The following KCTD3 variants were observed in gnomAD, a reference collection of about 807,000 sequenced individuals.
KCTD3 encodes the protein potassium channel tetramerization domain containing 3, also known as BTB/POZ domain-containing protein KCTD3.
A neutral mutation model predicts 85.8 loss-of-function variants in KCTD3; 41 were observed. The ratio of observed to expected loss-of-function variants is 0.48; its 90% confidence interval spans 0.37 to 0.62. The LOEUF is 0.62. Among genes scored for constraint, KCTD3 ranks in the 20% least tolerant of loss-of-function variants. KCTD3 has a pLI of 0.00. For synonymous variants in KCTD3, 338 were observed against 345.4 expected, an observed-to-expected ratio of 0.98 and a Z score of 0.24; for missense variants, 724 against 989.9, an observed-to-expected ratio of 0.73 and a Z score of 3.60.
chr1:215,587,760 C>G (rs776388694), intron 9 of KCTD3, among the ~76,000 whole-genome samples: 1 of 152,108 alleles, frequency 6.6e-6, no homozygotes, highest in Non-Finnish European at 1.5e-5. Context: ...TTCTTTGATT[C>G]TTTATCAAAA....
chr1:215,588,317 T>C (rs576905262), intron 9 of KCTD3, among the ~76,000 whole-genome samples: 2 of 152,174 alleles, frequency 1.3e-5, no homozygotes, highest in East Asian at 3.9e-4. Flanking sequence ...AATTAAGTTT[T>C]TATCAGTACA....
At chr1:215,590,942 A>G (rs1469371939) in intron 9 of KCTD3, among the ~76,000 whole-genome samples, 1 of 152,224 alleles carries the variant, frequency 6.6e-6, no homozygotes, top group Non-Finnish European at 1.5e-5. Context: ...CTGGCAGGCA[A>G]TTAAATTACT....
intron 15 of KCTD3, chr1:215,618,484 A>T (rs1368229395): frequency 6.0e-6 from 1 of 167,670 alleles, no homozygotes; most frequent in Admixed American, 6.3e-5. Flanking sequence ...GTAGGCTGGG[A>T]TAACTAATTC....
intron 8 of KCTD3, among the ~76,000 whole-genome samples, chr1:215,580,336 G>A (rs563499312): frequency 2.0e-5 from 3 of 152,276 alleles, no homozygotes; most frequent in African/African-American, 7.2e-5. Context: ...ATTAATGTGA[G>A]CTCCCTGATG....
intron 9 of KCTD3, 139 bp downstream of exon 9, chr1:215,586,824 G>A (rs192843798): frequency 9.4e-6 from 6 of 634,998 alleles, no homozygotes; most frequent in Non-Finnish European, 1.6e-5. Flanking sequence ...TGGGAGGAAT[G>A]ATCTGATAAT....
intron 8 of KCTD3, among the ~76,000 whole-genome samples, chr1:215,583,731 C>G (rs1314005740): frequency 6.6e-6 from 1 of 152,148 alleles, no homozygotes; most frequent in East Asian, 1.9e-4. Flanking sequence ...GATTCATCTT[C>G]TGTAACTTCT....
At chr1:215,581,019 T>A (rs1042042713) in intron 8 of KCTD3, 2 of 451,602 alleles carry the variant, frequency 4.4e-6, no homozygotes, top group Non-Finnish European at 9.0e-6. Context: ...CCCAGCACTT[T>A]GGGAGGCCGA....
chr1:215,587,653 A>T (rs1660061471), intron 9 of KCTD3, among the ~76,000 whole-genome samples: 2 of 152,190 alleles, frequency 1.3e-5, no homozygotes, highest in Admixed American at 1.3e-4. Flanking sequence ...GCTGTGATAC[A>T]TTGTTTTGAT....
At chr1:215,583,995 A>C (rs1474248158) in intron 8 of KCTD3, among the ~76,000 whole-genome samples, 1 of 152,164 alleles carries the variant, frequency 6.6e-6, no homozygotes, top group Non-Finnish European at 1.5e-5. Flanking sequence ...CAAGTAAACT[A>C]AATAAGAAGG....
intron 10 of KCTD3, among the ~76,000 whole-genome samples, chr1:215,596,748 C>T (rs943270808): frequency 3.3e-5 from 5 of 151,788 alleles, no homozygotes; most frequent in Non-Finnish European, 7.4e-5. Context: ...AGGATCAAGG[C>T]TGGTTTGAAA....
In KCTD3 at chr1:215,567,379, A is replaced by T. The variant is rs1659158254; in HGVS notation, c.-307A>T. 5.1e-6 allele frequency: 1 copy of T among 194,628 alleles called. No homozygotes were observed. Among genetic ancestry groups the T allele is most frequent in the African/African-American group, 2.3e-5 (1 of 42,868 alleles). 12.1% of individuals were successfully genotyped at this position (194,628 alleles called of 1,614,324 possible). On this transcript the variant is annotated 5_prime_UTR_variant, in exon 1 of 18. Coordinates refer to ENST00000259154, the MANE Select transcript of KCTD3 (RefSeq NM_016121.5). ...CGAACGGTGACCCCTCCTCCCAGGC[A>T]GGCTGCGGCGGCGTCGGTGGCAGCG... is the stretch of plus-strand genomic sequence containing the variant.
At chr1:215,602,402 G>T (rs375402444) in intron 12 of KCTD3, among the ~76,000 whole-genome samples, 1 of 151,596 alleles carries the variant, frequency 6.6e-6, no homozygotes, top group South Asian at 2.1e-4. Context: ...ATAATTTGAG[G>T]TGGAAAATTG....
At position 215,567,777 on chromosome 1, in the gene KCTD3, G is replaced by A; in HGVS notation, c.83+9G>A. ...AACGTAGGGGGGACCAGGTGAGTCG[G>A]CGGGTAGCGGGCTTGCAGCGGGGAT... On this transcript the variant is annotated intron_variant, in intron 1 of 17. Coordinates refer to ENST00000259154, the MANE Select transcript of KCTD3 (RefSeq NM_016121.5). 8.1e-7 allele frequency: 1 copy of A among 1,241,992 alleles called. No homozygotes were observed. Among genetic ancestry groups the A allele is most frequent in the Admixed American group, 4.2e-5 (1 of 23,716 alleles). 76.9% of individuals were successfully genotyped at this position (1,241,992 alleles called of 1,614,324 possible).
At chr1:215,586,757 T>C in intron 9 of KCTD3, 72 bp downstream of exon 9, 1 of 1,259,340 alleles carries the variant, frequency 7.9e-7, no homozygotes, top group Non-Finnish European at 1.1e-6. Flanking sequence ...AGATTGACAC[T>C]GAATATGAAA....
chr1:215,573,401 T>C (rs555363665), intron 1 of KCTD3, among the ~76,000 whole-genome samples: 1 of 152,216 alleles, frequency 6.6e-6, no homozygotes, highest in East Asian at 1.9e-4. Context: ...TTTTGTCCTA[T>C]TAGAGGGGAA....
At chr1:215,601,807 G>A (rs1334754955) in intron 10 of KCTD3, 60 bp from the exon 11 acceptor site, 26 of 1,011,026 alleles carry the variant, frequency 2.6e-5, no homozygotes, top group Non-Finnish European at 3.9e-5. Flanking sequence ...TGAGGAAATT[G>A]ACCAGAAAAT....
chr1:215,596,564 A>T (rs921494307), intron 10 of KCTD3, among the ~76,000 whole-genome samples: 3 of 152,174 alleles, frequency 2.0e-5, no homozygotes, highest in Non-Finnish European at 4.4e-5. Flanking sequence ...GAGAAATGAC[A>T]TTAATTTTGG....
At chr1:215,603,098 C>T (rs115678954) in intron 12 of KCTD3, among the ~76,000 whole-genome samples, 1 of 152,182 alleles carries the variant, frequency 6.6e-6, no homozygotes, top group African/African-American at 2.4e-5. Context: ...ATGTTTACTA[C>T]TTGGCCCCTT....
intron 9 of KCTD3, among the ~76,000 whole-genome samples, chr1:215,587,752 C>G (rs1270227643): frequency 6.6e-6 from 1 of 152,174 alleles, no homozygotes; most frequent in Non-Finnish European, 1.5e-5. Flanking sequence ...GCATAGTCTT[C>G]TTTGATTCTT....
Sources: allele counts gnomAD v4.1 joint callset (sites outside exome capture counted in the v4.1 genomes callset), GRCh38; gene constraint gnomAD v4.1.1; transcripts MANE v1.5; gene names NCBI Gene and HGNC (gene_info 2026-07-23, HGNC 2026-07-21).